The following UST variants were observed in gnomAD, a reference collection of about 807,000 sequenced individuals.
UST encodes the protein uronyl 2-sulfotransferase.
Under a neutral mutation model 45.6 loss-of-function variants are expected in UST, and 21 were observed. The ratio of observed to expected loss-of-function variants is 0.46; its 90% confidence interval spans 0.33 to 0.66. The LOEUF (loss-of-function observed/expected upper bound fraction) is 0.66. Ranked by LOEUF, UST falls within the 30% of genes least tolerant of loss-of-function variation. The pLI is 0.02. For synonymous variants in UST, 215 were observed against 200.6 expected (o/e 1.07, Z -0.61); for missense variants, 463 against 512.4 (o/e 0.90, Z 0.93).
chr6:148,993,027 T>C, intron 5 of UST: 1 of 985,454 alleles, frequency 1.0e-6, no homozygotes, highest in Non-Finnish European at 1.2e-6. Context: ...AACCACTTGC[T>C]TCCTTCAATC....
intron 2 of UST, among the ~76,000 whole-genome samples, chr6:148,894,219 G>T (rs1459789577): frequency 6.6e-6 from 1 of 152,184 alleles, no homozygotes; most frequent in Non-Finnish European, 1.5e-5. Context: ...CACAAATCCA[G>T]TTTTGAATGG....
chr6:149,047,706 C>T (rs1353804134), intron 7 of UST, among the ~76,000 whole-genome samples: 1 of 152,262 alleles, frequency 6.6e-6, no homozygotes, highest in South Asian at 2.1e-4. Flanking sequence ...AGAGGACAGA[C>T]CATGTTCATG....
intron 5 of UST, among the ~76,000 whole-genome samples, chr6:149,009,079 T>C (rs1261848203): frequency 6.6e-6 from 1 of 152,130 alleles, no homozygotes; most frequent in Non-Finnish European, 1.5e-5. Flanking sequence ...GAATAAAGCT[T>C]TAAGAGGGAG....
intron 1 of UST, among the ~76,000 whole-genome samples, chr6:148,807,275 T>C (rs1328978784): frequency 6.6e-6 from 1 of 152,148 alleles, no homozygotes. Flanking sequence ...ATTAAGCCTC[T>C]GCCACATTGC....
chr6:148,872,782 G>A (rs1562284159), intron 1 of UST, among the ~76,000 whole-genome samples: 1 of 152,050 alleles, frequency 6.6e-6, no homozygotes, highest in Non-Finnish European at 1.5e-5. Flanking sequence ...CTGACTCGTG[G>A]CCCCTTCCTC....
intron 5 of UST, among the ~76,000 whole-genome samples, chr6:149,003,953 G>A (rs534723025): frequency 3.3e-5 from 5 of 152,282 alleles, no homozygotes; most frequent in Admixed American, 2.0e-4. Context: ...GAATTGACAC[G>A]CTTTGCTGGA....
chr6:148,846,161 G>A (rs887084858), intron 1 of UST, among the ~76,000 whole-genome samples: 39 of 150,492 alleles, frequency 2.6e-4, no homozygotes, highest in South Asian at 1.3e-3. Context: ...TGTTTATTGC[G>A]GCACTATTCA....
intron 5 of UST, among the ~76,000 whole-genome samples, chr6:148,984,934 T>C (rs769582278): frequency 5.9e-5 from 9 of 152,214 alleles, no homozygotes; most frequent in Non-Finnish European, 1.2e-4. Context: ...GACATGTCTA[T>C]GTAATAAGAT....
Position 148,989,218 on chromosome 6 carries a change from C to G in UST, c.681+24655C>G, listed in dbSNP as rs759988782. ...CTTGACTTCAGTAAAGGCCCCCCCC[C>G]ACCCCCCGCAAATGAAAACCTTGAT... On this transcript the variant is annotated intron_variant, in intron 5 of 7. Transcript: ENST00000367463. 6.0e-5 allele frequency among the ~76,000 whole-genome samples: 7 copies of G among 116,584 alleles called. 1 individual carries two copies. In the South Asian group the frequency reaches 1.7e-3, roughly 29 times the overall value. The allele number at this position is 116,584 out of a possible 152,430, so 76.5% of individuals were successfully genotyped here.
At chr6:148,967,328 G>A (rs1780823521) in intron 5 of UST, among the ~76,000 whole-genome samples, 1 of 149,926 alleles carries the variant, frequency 6.7e-6, no homozygotes, top group African/African-American at 2.4e-5. Flanking sequence ...ACTCGGGGGG[G>A]CTCAGATTCA....
intron 1 of UST, among the ~76,000 whole-genome samples, chr6:148,865,476 T>C (rs112799372): frequency 6.6e-6 from 1 of 152,192 alleles, no homozygotes; most frequent in Non-Finnish European, 1.5e-5. Context: ...TAAATTCCTT[T>C]TTCTTTTTGG....
intron 1 of UST, among the ~76,000 whole-genome samples, chr6:148,757,482 AT>A (rs1776119709): frequency 1.3e-5 from 2 of 152,210 alleles, no homozygotes; most frequent in African/African-American, 4.8e-5. Context: ...GAATGATGTG[AT>A]TTTTGAAATA....
At chr6:148,929,203 C>G (rs1205511117) in intron 2 of UST, among the ~76,000 whole-genome samples, 1 of 152,188 alleles carries the variant, frequency 6.6e-6, no homozygotes, top group African/African-American at 2.4e-5. Context: ...CAGCCTCCCC[C>G]TCTTTAGCAG....
intron 1 of UST, among the ~76,000 whole-genome samples, chr6:148,811,776 A>T (rs1304631962): frequency 1.3e-5 from 2 of 152,216 alleles, no homozygotes; most frequent in Admixed American, 1.3e-4. Context: ...GACTCGTGTG[A>T]TGCAGTCTTG....
intron 1 of UST, among the ~76,000 whole-genome samples, chr6:148,785,736 A>G (rs2114695422): frequency 6.6e-6 from 1 of 152,340 alleles, no homozygotes; most frequent in Middle Eastern, 3.4e-3. Context: ...TGTGGGCAGC[A>G]CTTGAACACT....
intron 1 of UST, among the ~76,000 whole-genome samples, chr6:148,861,865 G>GT (rs1247683756): frequency 6.6e-6 from 1 of 152,222 alleles, no homozygotes; most frequent in Non-Finnish European, 1.5e-5. Context: ...CTGACAGACA[G>GT]TTTTTTGTGA....
At chr6:148,982,428 C>A (rs1582942146) in intron 5 of UST, among the ~76,000 whole-genome samples, 1 of 152,136 alleles carries the variant, frequency 6.6e-6, no homozygotes, top group African/African-American at 2.4e-5. Context: ...GCCACCTAGT[C>A]CCATTCACAA....
intron 5 of UST, among the ~76,000 whole-genome samples, chr6:148,987,418 C>T (rs2114987918): frequency 1.3e-5 from 2 of 152,244 alleles, no homozygotes. Context: ...AAGTGGTGTG[C>T]CCTACATGGC....
At chr6:149,037,115 G>T (rs890094112) in intron 7 of UST, among the ~76,000 whole-genome samples, 3 of 152,032 alleles carry the variant, frequency 2.0e-5, no homozygotes, top group African/African-American at 7.2e-5. Context: ...AAGGCCTCGG[G>T]GGGTGAGCAC....
Sources: gnomAD v4.1 joint callset for allele counts (sites outside exome capture counted in the v4.1 genomes callset) on GRCh38, gnomAD v4.1.1 for gene constraint, MANE v1.5 for transcripts, NCBI Gene and HGNC (gene_info 2026-07-23, HGNC 2026-07-21) for gene names.